ELMOD1: variants seen among roughly 807,000 people sequenced by gnomAD.
ELMOD1 encodes the protein ELMO domain containing 1.
Under a neutral mutation model 46.7 loss-of-function variants are expected in ELMOD1, and 21 were observed. The ratio of observed to expected loss-of-function variants is 0.45; its 90% CI spans 0.32 to 0.65. The LOEUF is 0.65. Ranked by LOEUF, ELMOD1 falls within the 30% of genes least tolerant of loss-of-function variation. The pLI is 0.04. For missense variants in ELMOD1, 348 were observed against 407.8 expected, an observed-to-expected ratio of 0.85 and a Z score of 1.26; for synonymous variants, 122 against 138.2, an observed-to-expected ratio of 0.88 and a Z score of 0.82.
At chr11:107,635,542 T>A in intron 5 of ELMOD1, 94 bp from the exon 6 acceptor site, 1 of 1,218,230 alleles carries the variant, frequency 8.2e-7, no homozygotes, top group South Asian at 1.8e-5. Flanking sequence ...TATATTAATA[T>A]GAAAAGTTCT....
intron 1 of ELMOD1, among the ~76,000 whole-genome samples, chr11:107,593,680 T>A (rs1328303693): frequency 1.3e-5 from 2 of 152,184 alleles, no homozygotes; most frequent in African/African-American, 2.4e-5. Context: ...CCAGTTAAAT[T>A]TGAATTTCAG....
chr11:107,633,091 T>C (rs1325536487), intron 5 of ELMOD1, among the ~76,000 whole-genome samples: 1 of 152,202 alleles, frequency 6.6e-6, no homozygotes, highest in African/African-American at 2.4e-5. Context: ...TGTTTAGACT[T>C]GTGTCCCATC....
intron 5 of ELMOD1, among the ~76,000 whole-genome samples, chr11:107,632,128 C>A (rs1172401693): frequency 1.3e-5 from 2 of 152,172 alleles, no homozygotes; most frequent in Non-Finnish European, 2.9e-5. Flanking sequence ...GTCAAGAAGA[C>A]AGGCATGTGT....
chr11:107,653,584 A>C (rs11212315), intron 9 of ELMOD1: 41,454 of 131,794 alleles, frequency 0.31, 6,406 homozygotes, highest in East Asian at 0.38. Flanking sequence ...TTTTTTCTTC[A>C]TTCCTTGCTT....
intron 10 of ELMOD1, 61 bp downstream of exon 10, chr11:107,654,283 A>G: frequency 7.1e-7 from 1 of 1,410,980 alleles, no homozygotes; most frequent in Non-Finnish European, 9.8e-7. Flanking sequence ...AACTAGAACT[A>G]GAGTATCATG....
chr11:107,622,400 G>C (rs1865965524), intron 2 of ELMOD1, among the ~76,000 whole-genome samples: 1 of 152,198 alleles, frequency 6.6e-6, no homozygotes, highest in African/African-American at 2.4e-5. Context: ...AGCACAGCAT[G>C]AAGCAGCCCA....
At chr11:107,600,937 C>T (rs894034062) in intron 1 of ELMOD1, 4 of 151,710 alleles carry the variant, frequency 2.6e-5, no homozygotes, top group South Asian at 4.1e-4. Context: ...GATCTCAAGA[C>T]GTGACTGGTG....
chr11:107,619,586 A>G (rs1401451253), intron 2 of ELMOD1, among the ~76,000 whole-genome samples: 2 of 152,152 alleles, frequency 1.3e-5, no homozygotes, highest in East Asian at 3.9e-4. Context: ...GTACTACTCA[A>G]TTTCTTCCTC....
intron 11 of ELMOD1, among the ~76,000 whole-genome samples, chr11:107,656,536 A>C (rs1167434800): frequency 8.3e-4 from 126 of 151,554 alleles, no homozygotes; most frequent in Non-Finnish European, 1.2e-4. Flanking sequence ...CACTCCAGAC[A>C]AGGGTCAAAG....
chr11:107,666,006 T>C lies in ELMOD1; in HGVS notation c.*809T>C, dbSNP rs1866838812. 7.0e-6 allele frequency: 1 copy of C among 142,622 alleles called. No individual in the cohort carries two copies. The highest frequency in any genetic ancestry group is 2.6e-5 in the African/African-American group (1 of 38,808). 8.8% of individuals were successfully genotyped at this position (142,622 alleles called of 1,614,324 possible). A position where few individuals can be genotyped will look rare whatever the true frequency, so the allele number is the denominator to read the frequency against. Reference sequence around the variant, plus strand: ...ATAAATAAATAAATAAATAAATAAATAAATAAATAAAATAGTACAGACAGA... The same window carrying C: ...ATAAATAAATAAATAAATAAATAAACAAATAAATAAAATAGTACAGACAGA... On this transcript the variant is annotated 3_prime_UTR_variant, in exon 12 of 12. Transcript: ENST00000265840.
intron 8 of ELMOD1, 66 bp downstream of exon 8, chr11:107,650,469 C>A: frequency 9.0e-7 from 1 of 1,106,308 alleles, no homozygotes; most frequent in Non-Finnish European, 1.3e-6. Context: ...TCATCTCCTA[C>A]ATGTATCTGT....
intron 1 of ELMOD1, among the ~76,000 whole-genome samples, chr11:107,610,466 C>T (rs1865756462): frequency 6.6e-6 from 1 of 151,968 alleles, no homozygotes; most frequent in African/African-American, 2.4e-5. Context: ...GAGTTCGAGA[C>T]CAGCCTGGCC....
chr11:107,618,310 C>T lies in ELMOD1; in HGVS notation c.17+104C>T. 1.5e-6 allele frequency: 2 copies of T among 1,313,018 alleles called. 1 individual carries two copies. The highest frequency in any genetic ancestry group is 2.9e-5 in the African/African-American group (2 of 68,226). The allele number at this position is 1,313,018 out of a possible 1,614,324, so 81.3% of individuals were successfully genotyped here. Reference sequence around the variant, plus strand: ...ATCGTTTGTGATCCTGTGACCAGGACTCCTAAGATTCTGTGAAATAGCACT... The same window carrying T: ...ATCGTTTGTGATCCTGTGACCAGGATTCCTAAGATTCTGTGAAATAGCACT... On this transcript the variant is annotated intron_variant, in intron 2 of 11. Transcript: ENST00000265840.
intron 7 of ELMOD1, 120 bp from the exon 8 acceptor site, chr11:107,650,215 G>A (rs2135709054): frequency 3.0e-6 from 2 of 655,798 alleles, no homozygotes; most frequent in South Asian, 2.1e-5. Context: ...GCTGAAACAA[G>A]TGATAACCTT....
rs371112424 is a variant in ELMOD1 at position 107,591,708 on chromosome 11, T to C, written c.-86+299T>C. On this transcript the variant is annotated intron_variant, in intron 1 of 11. Transcript: ENST00000265840. ...CATCTCGGCCCGGGCGTAGGTCGCC[T>C]AGCGACCTAACGCCGAGGGCTCGGG... 4.0e-5 allele frequency: 15 copies of C among 371,356 alleles called. No individual in the cohort carries two copies. In the Admixed American group the frequency reaches 4.9e-4, roughly 12 times the overall value. 23.0% of individuals were successfully genotyped at this position (371,356 alleles called of 1,614,324 possible).
chr11:107,663,210 G>T (rs1015048306), intron 11 of ELMOD1, among the ~76,000 whole-genome samples: 3 of 152,138 alleles, frequency 2.0e-5, no homozygotes, highest in African/African-American at 7.2e-5. Flanking sequence ...ATGTGTTCAG[G>T]TTCCCATGAC....
At chr11:107,635,541 A>G in intron 5 of ELMOD1, 95 bp from the exon 6 acceptor site, 1 of 1,208,756 alleles carries the variant, frequency 8.3e-7, no homozygotes, top group South Asian at 1.8e-5. Context: ...TTATATTAAT[A>G]TGAAAAGTTC....
intron 1 of ELMOD1, among the ~76,000 whole-genome samples, chr11:107,599,765 GAA>G (rs67957721): frequency 1.3e-5 from 1 of 78,972 alleles, no homozygotes; most frequent in Admixed American, 1.3e-4. Context: ...AAAAAGAAAA[GAA>G]AAAAAAAAAA....
At chr11:107,646,569 T>C (rs1314473996) in intron 6 of ELMOD1, among the ~76,000 whole-genome samples, 1 of 151,984 alleles carries the variant, frequency 6.6e-6, no homozygotes, top group African/African-American at 2.4e-5. Flanking sequence ...ACCCCGCCTC[T>C]ACTAAAAATA....
Sources: allele counts gnomAD v4.1 joint callset (sites outside exome capture counted in the v4.1 genomes callset), GRCh38; gene constraint gnomAD v4.1.1; transcripts MANE v1.5; gene names NCBI Gene and HGNC (gene_info 2026-07-23, HGNC 2026-07-21).